The following LY6S variants were observed in gnomAD, a reference collection of about 807,000 sequenced individuals.
The protein encoded by LY6S is lymphocyte antigen 6 family member S, also known as lymphocyte antigen 6S.
the LY6S span, among the ~76,000 whole-genome samples, chr8:143,048,766 G>A: frequency 6.6e-6 from 1 of 152,118 alleles, no homozygotes; most frequent in Non-Finnish European, 1.5e-5. Context: ...CACCGTGCCT[G>A]GCCGAAATCT....
At chr8:143,065,744 C>CTCTTTCTT in the LY6S span, among the ~76,000 whole-genome samples, 4 of 103,574 alleles carry the variant, frequency 3.9e-5, no homozygotes, top group Admixed American at 3.8e-4. Flanking sequence ...CTCTTTCTTT[C>CTCTTTCTT]TCTTTCTTTC....
At chr8:143,057,675 C>T in the LY6S span, 406 of 867,408 alleles carry the variant, frequency 4.7e-4, 1 homozygote, top group South Asian at 2.1e-3. Flanking sequence ...CAGCCGCTGG[C>T]GGGATGAATC....
the LY6S span, among the ~76,000 whole-genome samples, chr8:143,043,461 C>T: frequency 0.5 from 75,934 of 152,076 alleles, 22,361 homozygotes; most frequent in Non-Finnish European, 0.64. Context: ...GCCATCAGGA[C>T]CAAGGCCATC....
the LY6S span, among the ~76,000 whole-genome samples, chr8:143,069,978 C>T: frequency 2.0e-5 from 3 of 152,132 alleles, no homozygotes; most frequent in African/African-American, 7.2e-5. Context: ...CAGCTCCTGC[C>T]GCCATAACGA....
the LY6S span, chr8:143,057,468 T>G: frequency 1.1e-5 from 7 of 626,100 alleles, no homozygotes; most frequent in African/African-American, 1.3e-4. Context: ...CAGGCTGGTT[T>G]CGAACTCCTG....
At chr8:143,053,180 CT>C in the LY6S span, 7 of 152,372 alleles carry the variant, frequency 4.6e-5, no homozygotes, top group Non-Finnish European at 1.0e-4. Context: ...GAGTCACCAG[CT>C]GGGCCCACAT....
the LY6S span, chr8:143,057,833 C>T: frequency 6.7e-6 from 5 of 747,654 alleles, no homozygotes; most frequent in African/African-American, 6.8e-5. Flanking sequence ...GACTTTTCGG[C>T]TCCTGCAGCT....
At chr8:143,075,611 G>A in the LY6S span, among the ~76,000 whole-genome samples, 3 of 152,160 alleles carry the variant, frequency 2.0e-5, no homozygotes, top group African/African-American at 7.2e-5. The surrounding 1 kb of genome is among the most constrained non-coding windows in gnomAD (Gnocchi z 4.1). Context: ...AGCTGAGACA[G>A]GAGAATCACT....
chr8:143,043,277 G>A, the LY6S span: 37 of 1,347,980 alleles, frequency 2.7e-5, no homozygotes, highest in South Asian at 3.7e-4. Flanking sequence ...GTTTCAGCAG[G>A]GGGAATCCGA....
At chr8:143,049,180 G>A in the LY6S span, 1 of 534,594 alleles carries the variant, frequency 1.9e-6, no homozygotes, top group Admixed American at 1.9e-5. Flanking sequence ...TGACCTCCTG[G>A]ACTTTGGTAT....
At chr8:143,041,143 C>G in the LY6S span, among the ~76,000 whole-genome samples, 1 of 152,100 alleles carries the variant, frequency 6.6e-6, no homozygotes, top group Admixed American at 6.5e-5. Flanking sequence ...AGCAGACAAC[C>G]AGTCTGACCA....
the LY6S span, among the ~76,000 whole-genome samples, chr8:143,070,451 T>TATATATATATAATATATATATAA: frequency 5.5e-5 from 3 of 54,618 alleles, no homozygotes; most frequent in Non-Finnish European, 9.8e-5. Context: ...ATATTGTATA[T>TATATATATATAATATATATATAA]ATATATATAT....
At chr8:143,057,393 G>A in the LY6S span, among the ~76,000 whole-genome samples, 1 of 152,082 alleles carries the variant, frequency 6.6e-6, no homozygotes, top group Admixed American at 6.6e-5. Flanking sequence ...GAGACTACAG[G>A]CGCCTGCCAC....
At chr8:143,045,540 T>G in the LY6S span, among the ~76,000 whole-genome samples, 1 of 150,464 alleles carries the variant, frequency 6.6e-6, no homozygotes. The surrounding 1 kb of genome is among the most constrained non-coding windows in gnomAD (Gnocchi z 5.3). Context: ...CCAGTCCCCA[T>G]TCCTCCCTCC....
At chr8:143,063,063 A>T in the LY6S span, among the ~76,000 whole-genome samples, 1 of 152,170 alleles carries the variant, frequency 6.6e-6, no homozygotes, top group South Asian at 2.1e-4. Flanking sequence ...GAAAATCTGG[A>T]CAAGTTCTGC....
At chr8:143,052,448 CACTA>C in the LY6S span, among the ~76,000 whole-genome samples, 1 of 152,210 alleles carries the variant, frequency 6.6e-6, no homozygotes, top group Non-Finnish European at 1.5e-5. Flanking sequence ...AAAGGCCTCT[CACTA>C]ACCCCAGTCC....
chr8:143,046,460 C>T, the LY6S span, among the ~76,000 whole-genome samples: 1 of 152,010 alleles, frequency 6.6e-6, no homozygotes, highest in African/African-American at 2.4e-5. Context: ...TGCCTGTAGT[C>T]CCAGCTACTT....
chr8:143,044,902 A>C, the LY6S span: 4 of 1,166,998 alleles, frequency 3.4e-6, no homozygotes, highest in Non-Finnish European at 4.4e-6. Flanking sequence ...TCTCACCACC[A>C]CCCTTGTCCC....
At chr8:143,070,382 T>C in the LY6S span, among the ~76,000 whole-genome samples, 2 of 132,456 alleles carry the variant, frequency 1.5e-5, no homozygotes, top group Non-Finnish European at 3.1e-5. Flanking sequence ...TATATAAATA[T>C]ATATATATTT....
Sources: gnomAD v4.1 joint callset for allele counts (sites outside exome capture counted in the v4.1 genomes callset) on GRCh38, gnomAD v4.1.1 for gene constraint, Gnocchi (gnomAD v3.1) non-coding constraint, MANE v1.5 for transcripts, NCBI Gene and HGNC (gene_info 2026-07-23, HGNC 2026-07-21) for gene names.